Variants in CATSPERB observed in about 807,000 individuals in gnomAD.
CATSPERB encodes cation channel sperm-associated auxiliary subunit beta.
Under a neutral mutation model 128.3 loss-of-function variants are expected in CATSPERB, and 93 were observed. The ratio of observed to expected loss-of-function variants is 0.72; its 90% CI spans 0.61 to 0.86. CATSPERB has a LOEUF of 0.86. Ranked by LOEUF, CATSPERB falls within the 40% of genes least tolerant of loss-of-function variation. CATSPERB has a pLI of 0.00. For missense variants in CATSPERB, 1,153 were observed against 1,329.5 expected, an observed-to-expected ratio of 0.87 and a Z score of 2.06; for synonymous variants, 381 against 448.8, an observed-to-expected ratio of 0.85 and a Z score of 1.91.
intron 4 of CATSPERB, among the ~76,000 whole-genome samples, chr14:91,721,377 A>C (rs1896025700): frequency 6.6e-6 from 1 of 152,212 alleles, no homozygotes; most frequent in East Asian, 1.9e-4. Context: ...ACAAATCAAA[A>C]ACACGAATAC....
chr14:91,678,094 G>A (rs1201077401), intron 11 of CATSPERB, among the ~76,000 whole-genome samples: 1 of 152,142 alleles, frequency 6.6e-6, no homozygotes, highest in African/African-American at 2.4e-5. Context: ...GGGGGCAAGG[G>A]GGGAGAGAGC....
rs138750441 is a variant in CATSPERB, at chr14:91,718,926, C to T, written c.370+492G>A. Among the ~76,000 whole-genome samples, 1,339 of 152,234 alleles carry T rather than the reference C, an allele frequency of 8.8e-3. 7 individuals are homozygous for T. Among genetic ancestry groups the T allele is most frequent in the Middle Eastern group, 0.054 (16 of 294 alleles). On this transcript the variant is annotated intron_variant, in intron 5 of 26. Coordinates refer to ENST00000256343, the MANE Select transcript of CATSPERB (RefSeq NM_024764.4). The stretch of plus-strand genomic sequence containing the variant: ...TCTCATGCCTACAGATCTACTAGGT[C>T]AGTTCACTAGATCAATACTCACAGT...
At chr14:91,619,727 T>C (rs1323370107) in intron 19 of CATSPERB, among the ~76,000 whole-genome samples, 1 of 152,132 alleles carries the variant, frequency 6.6e-6, no homozygotes, top group Non-Finnish European at 1.5e-5. Flanking sequence ...GTCATTTCCT[T>C]ACATAGTTTT....
rs1367815042 is a variant in CATSPERB, at chr14:91,644,069, C to T, written c.1433-4819G>A. On this transcript the variant is annotated intron_variant, in intron 15 of 26. Coordinates refer to ENST00000256343, the MANE Select transcript of CATSPERB (RefSeq NM_024764.4). ...TTTGTTTTCCATTTGCTTGGTAGATCTTCCTCCATCTTTTTATTTTGAGCC... is the reference window on the plus strand; with the variant it reads ...TTTGTTTTCCATTTGCTTGGTAGATTTTCCTCCATCTTTTTATTTTGAGCC... Among the ~76,000 whole-genome samples, 5 of 137,348 alleles carry T rather than the reference C, an allele frequency of 3.6e-5. 1 individual carries two copies. The highest frequency in any genetic ancestry group is 1.4e-4 in the African/African-American group (5 of 36,158). 90.1% of individuals were successfully genotyped at this position (137,348 alleles called of 152,430 possible). A position where few individuals can be genotyped will look rare whatever the true frequency, so the allele number is the denominator to read the frequency against.
At chr14:91,600,291 C>T (rs1199315172) in intron 22 of CATSPERB, among the ~76,000 whole-genome samples, 2 of 152,110 alleles carry the variant, frequency 1.3e-5, no homozygotes, top group Non-Finnish European at 2.9e-5. Flanking sequence ...ATTAAAAAAG[C>T]AATTATTATA....
intron 15 of CATSPERB, among the ~76,000 whole-genome samples, chr14:91,645,950 G>A (rs1894594585): frequency 6.7e-6 from 1 of 148,396 alleles, no homozygotes; most frequent in Non-Finnish European, 1.5e-5. Flanking sequence ...CGCAATATTC[G>A]GGTGGGAGTG....
At chr14:91,689,821 C>T (rs931535613) in intron 10 of CATSPERB, among the ~76,000 whole-genome samples, 62 of 152,058 alleles carry the variant, frequency 4.1e-4, no homozygotes, top group Admixed American at 4.1e-3. Context: ...CTGAATTGCA[C>T]ATTTTTCTAA....
intron 22 of CATSPERB, among the ~76,000 whole-genome samples, chr14:91,599,575 AT>A (rs1040481012): frequency 6.9e-6 from 1 of 145,858 alleles, no homozygotes; most frequent in Admixed American, 6.9e-5. Context: ...GTTTATTTTT[AT>A]TTTGCCAGGG....
intron 16 of CATSPERB, 64 bp downstream of exon 16, chr14:91,639,032 A>C: frequency 1.5e-6 from 2 of 1,353,454 alleles, no homozygotes; most frequent in South Asian, 1.3e-5. Context: ...CCATTATTCT[A>C]TGTATTGAAT....
intron 22 of CATSPERB, among the ~76,000 whole-genome samples, chr14:91,602,308 C>T (rs1893619157): frequency 2.0e-5 from 3 of 151,982 alleles, no homozygotes; most frequent in Non-Finnish European, 2.9e-5. Context: ...CTAGAACATA[C>T]CATGTAAAAA....
chr14:91,677,165 A>G (rs181224834), intron 11 of CATSPERB, among the ~76,000 whole-genome samples: 5 of 152,248 alleles, frequency 3.3e-5, no homozygotes, highest in African/African-American at 1.2e-4. Flanking sequence ...AGGCATGGGC[A>G]AAGACTTCAT....
chr14:91,581,051 T>C lies in CATSPERB; in HGVS notation c.3189A>G (p.Ala1063=), dbSNP rs774078192. ...PFPGHTLIAV[A]TAVVLGGLIF... is the part of the protein sequence containing the mutation. Reference sequence around the variant, plus strand: ...TTAATCCCCCTAGCACTACCGCTGTTGCCACGGCAATAAGCGTGTGTCCTG... The same window carrying C: ...TTAATCCCCCTAGCACTACCGCTGTCGCCACGGCAATAAGCGTGTGTCCTG... The change falls in exon 27 of 27, where the codon GCA becomes GCG. Residue 1063 remains alanine, a synonymous_variant. Transcript: ENST00000256343. 1 of 1,614,248 alleles carries C rather than the reference T, an allele frequency of 6.2e-7. No homozygotes were observed. Among genetic ancestry groups the C allele is most frequent in the Non-Finnish European group, 8.5e-7 (1 of 1,180,034 alleles).
chr14:91,674,138 A>G (rs769089870), intron 12 of CATSPERB, 38 bp downstream of exon 12: 1 of 1,261,264 alleles, frequency 7.9e-7, no homozygotes, highest in Admixed American at 2.1e-5. Context: ...CAATCCCACA[A>G]CAAAATTTCT....
chr14:91,596,209 C>T (rs1052909842), intron 22 of CATSPERB, among the ~76,000 whole-genome samples: 11 of 151,886 alleles, frequency 7.2e-5, no homozygotes, highest in African/African-American at 2.7e-4. Context: ...TAAATCCACC[C>T]CCCTTTTTTT....
At chr14:91,670,737 C>T (rs1391741616) in intron 13 of CATSPERB, among the ~76,000 whole-genome samples, 2 of 151,818 alleles carry the variant, frequency 1.3e-5, no homozygotes, top group Non-Finnish European at 1.5e-5. Flanking sequence ...GGCGCAGTGG[C>T]TTACGCCTAT....
chr14:91,583,838 C>T (rs1893250735), intron 26 of CATSPERB, among the ~76,000 whole-genome samples: 1 of 151,884 alleles, frequency 6.6e-6, no homozygotes, highest in Non-Finnish European at 1.5e-5. Context: ...AAAATCCAAG[C>T]TTATGGGTTG....
intron 11 of CATSPERB, among the ~76,000 whole-genome samples, chr14:91,677,162 G>A (rs887079194): frequency 6.6e-6 from 1 of 152,092 alleles, no homozygotes; most frequent in East Asian, 1.9e-4. Flanking sequence ...CATAGGCATG[G>A]GCAAAGACTT....
intron 7 of CATSPERB, among the ~76,000 whole-genome samples, chr14:91,697,241 G>C (rs1449596032): frequency 1.3e-5 from 2 of 152,090 alleles, no homozygotes; most frequent in African/African-American, 2.4e-5. Context: ...AGTTGGGGTT[G>C]GGCAGGCAAG....
At chr14:91,718,422 A>G (rs1271688203) in intron 5 of CATSPERB, among the ~76,000 whole-genome samples, 3 of 152,126 alleles carry the variant, frequency 2.0e-5, no homozygotes, top group Non-Finnish European at 4.4e-5. Flanking sequence ...TCTATAAGAC[A>G]CAGTTTGGAA....
Sources: allele counts gnomAD v4.1 joint callset (sites outside exome capture counted in the v4.1 genomes callset), GRCh38; gene constraint gnomAD v4.1.1; transcripts MANE v1.5; gene names NCBI Gene and HGNC (gene_info 2026-07-23, HGNC 2026-07-21).